Variants in NTRK2 observed in about 807,000 individuals in gnomAD.
The protein encoded by NTRK2 is BDNF/NT-3 growth factors receptor.
A neutral mutation model predicts 94.5 loss-of-function variants in NTRK2; 13 were observed. That is an observed-to-expected ratio of 0.14 (90% CI 0.09 to 0.22). The LOEUF is 0.22. Among genes scored for constraint, NTRK2 ranks in the 10% least tolerant of loss-of-function variants. The pLI is 1.00. For missense variants in NTRK2, 639 were observed against 1,071.2 expected (o/e 0.60, Z 5.63); for synonymous variants, 372 against 407.4 (o/e 0.91, Z 1.05).
chr9:84,752,615 T>A (rs1280057404), intron 12 of NTRK2, among the ~76,000 whole-genome samples: 7 of 152,208 alleles, frequency 4.6e-5, no homozygotes, highest in African/African-American at 7.2e-5. Context: ...GCTTTTTTTT[T>A]ATTTAAGTGG....
chr9:84,811,071 C>G, intron 12 of NTRK2: 2 of 1,073,768 alleles, frequency 1.9e-6, no homozygotes, highest in Middle Eastern at 4.2e-4. Context: ...ATTTTCTATA[C>G]TCTAATCAGC....
intron 17 of NTRK2, among the ~76,000 whole-genome samples, chr9:85,014,439 A>C (rs1831999289): frequency 6.6e-6 from 1 of 152,228 alleles, no homozygotes; most frequent in Non-Finnish European, 1.5e-5. Flanking sequence ...CAGCATGAAG[A>C]GTGGTGGAAT....
intron 17 of NTRK2, among the ~76,000 whole-genome samples, chr9:84,973,166 T>A (rs1826389654): frequency 6.6e-6 from 1 of 152,214 alleles, no homozygotes; most frequent in Non-Finnish European, 1.5e-5. Flanking sequence ...AATGTTCAAA[T>A]GTTCACAGCT....
intron 17 of NTRK2, among the ~76,000 whole-genome samples, chr9:84,994,707 T>G (rs1006933319): frequency 6.6e-6 from 1 of 152,216 alleles, no homozygotes; most frequent in East Asian, 1.9e-4. Flanking sequence ...CCCCCTGTTC[T>G]CTAAATAAAA....
chr9:84,953,263 A>G (rs1047212031), intron 16 of NTRK2, among the ~76,000 whole-genome samples: 3 of 152,266 alleles, frequency 2.0e-5, no homozygotes, highest in African/African-American at 7.2e-5. Flanking sequence ...TTGTGTTTTC[A>G]CATCACCTGT....
intron 12 of NTRK2, among the ~76,000 whole-genome samples, chr9:84,794,592 A>G (rs1024630855): frequency 2.6e-5 from 4 of 152,206 alleles, no homozygotes; most frequent in African/African-American, 9.7e-5. Context: ...TATGTATAAA[A>G]TGTGCCTTGC....
chr9:84,717,881 G>C (rs560182356), intron 6 of NTRK2, among the ~76,000 whole-genome samples: 1 of 152,082 alleles, frequency 6.6e-6, no homozygotes, highest in African/African-American at 2.4e-5. Flanking sequence ...AAATCTGCTT[G>C]GGGAATGTAA....
intron 12 of NTRK2, among the ~76,000 whole-genome samples, chr9:84,825,413 C>T (rs2073121853): frequency 6.6e-6 from 1 of 152,262 alleles, no homozygotes; most frequent in East Asian, 1.9e-4. Context: ...GCCATGCTTC[C>T]CCACCCACCA....
At chr9:84,785,637 C>T (rs935551277) in intron 12 of NTRK2, among the ~76,000 whole-genome samples, 7 of 152,116 alleles carry the variant, frequency 4.6e-5, no homozygotes, top group Non-Finnish European at 8.8e-5. Flanking sequence ...CAAGTTGTGC[C>T]TCGAAAATAT....
chr9:84,816,569 G>A (rs1042197007), intron 12 of NTRK2, among the ~76,000 whole-genome samples: 12 of 151,572 alleles, frequency 7.9e-5, no homozygotes, highest in African/African-American at 2.9e-4. Flanking sequence ...TCATGAGGTC[G>A]AGAGTTCAAG....
intron 6 of NTRK2, among the ~76,000 whole-genome samples, chr9:84,719,811 G>C (rs964848383): frequency 6.6e-6 from 1 of 152,020 alleles, no homozygotes; most frequent in Non-Finnish European, 1.5e-5. Context: ...CTGAGCTCAG[G>C]AGTTTGAGAC....
At chr9:85,006,121 GA>G (rs1830929477) in intron 17 of NTRK2, among the ~76,000 whole-genome samples, 1 of 152,180 alleles carries the variant, frequency 6.6e-6, no homozygotes, top group South Asian at 2.1e-4. Flanking sequence ...TAAGGAAAAA[GA>G]AACCTATACT....
chr9:84,719,845 C>T (rs1304398649), intron 6 of NTRK2, among the ~76,000 whole-genome samples: 3 of 151,964 alleles, frequency 2.0e-5, no homozygotes, highest in African/African-American at 4.8e-5. Context: ...GTGGCGAAAC[C>T]GCATCTCTAC....
chr9:84,854,071 C>CA (rs563556897), intron 12 of NTRK2, among the ~76,000 whole-genome samples: 2,838 of 60,542 alleles, frequency 0.047, 24 homozygotes, highest in African/African-American at 0.068. Context: ...GACTCTGTCT[C>CA]AAAAAAAAAA....
intron 17 of NTRK2, among the ~76,000 whole-genome samples, chr9:84,984,306 C>G (rs528781849): frequency 2.6e-5 from 4 of 152,166 alleles, no homozygotes; most frequent in South Asian, 4.2e-4. Flanking sequence ...AACTCCATCT[C>G]TACTGAAAAT....
chr9:84,932,290 G>A (rs530545357), intron 14 of NTRK2, among the ~76,000 whole-genome samples: 5 of 152,290 alleles, frequency 3.3e-5, no homozygotes, highest in South Asian at 2.1e-4. Context: ...CAAGGACACC[G>A]TTGAGAGAGA....
intron 17 of NTRK2, among the ~76,000 whole-genome samples, chr9:84,984,496 AAAAAAC>A (rs1218405281): frequency 1.4e-4 from 10 of 69,334 alleles, no homozygotes; most frequent in Admixed American, 4.0e-4. Flanking sequence ...ACAAACAAAC[AAAAAAC>A]AAAAAAAAGA....
intron 10 of NTRK2, 40 bp from the exon 11 acceptor site, chr9:84,744,930 GACA>G: frequency 1.4e-6 from 2 of 1,382,516 alleles, no homozygotes; most frequent in East Asian, 4.6e-5. Flanking sequence ...GCAGCTTAAT[GACA>G]ACTTCATGTT....
intron 14 of NTRK2, among the ~76,000 whole-genome samples, chr9:84,869,764 A>G (rs1287119110): frequency 1.3e-5 from 2 of 152,122 alleles, no homozygotes; most frequent in African/African-American, 2.4e-5. Context: ...ATGTAGCTTT[A>G]TATTACTGAA....
Sources: gnomAD v4.1 joint callset for allele counts (sites outside exome capture counted in the v4.1 genomes callset) on GRCh38, gnomAD v4.1.1 for gene constraint, MANE v1.5 for transcripts, NCBI Gene and HGNC (gene_info 2026-07-23, HGNC 2026-07-21) for gene names.